STAB2: variants seen among roughly 807,000 people sequenced by gnomAD.
STAB2 encodes stabilin 2.
A neutral mutation model predicts 338.1 loss-of-function variants in STAB2; 288 were observed. The observed-to-expected ratio is 0.85, with a 90% confidence interval of 0.77 to 0.94. The LOEUF is 0.94. Among genes scored for constraint, STAB2 ranks in the 40% least tolerant of loss-of-function variants. The probability of loss-of-function intolerance (pLI) is 0.00; values close to 1 mark genes in which losing one functional copy is unlikely to be tolerated. For synonymous variants in STAB2, 1,202 were observed against 1,193.3 expected, an observed-to-expected ratio of 1.01 and a Z score of -0.15; for missense variants, 3,141 against 3,210.1, an observed-to-expected ratio of 0.98 and a Z score of 0.52.
Position 103,705,637 on chromosome 12 carries a change from TGAGAA to T in STAB2, c.3910_3914del (p.Lys1304GlufsTer54), listed in dbSNP as rs1371259700. ...TAGTCATTAATATTTCACAGGGTAA[TGAGAA>T]GAGGAGATGCATCTATACCTCCTAT... On this transcript the variant is annotated frameshift_variant, in exon 37 of 69. Transcript: ENST00000388887. LOFTEE classifies it high-confidence loss of function. The T allele has an allele frequency of 1.2e-6, 2 of 1,613,930 alleles. No individual in the cohort carries two copies. Among genetic ancestry groups the T allele is most frequent in the Non-Finnish European group, 1.7e-6 (2 of 1,179,908 alleles).
chr12:103,650,764 G>C (rs1178967046), intron 11 of STAB2, among the ~76,000 whole-genome samples, 186 bp downstream of exon 11: 1 of 152,140 alleles, frequency 6.6e-6, no homozygotes, highest in Non-Finnish European at 1.5e-5. Flanking sequence ...CAAATTGTAA[G>C]TGTACAACTC....
intron 28 of STAB2, 65 bp downstream of exon 28, chr12:103,688,280 A>G: frequency 6.6e-7 from 1 of 1,523,598 alleles, no homozygotes; most frequent in Non-Finnish European, 9.1e-7. Context: ...GAATGCATAC[A>G]ATAGAAAACC....
rs1874037000 is a variant in STAB2, at chr12:103,654,658, C to T, written c.1511C>T (p.Ala504Val). The T allele has an allele frequency of 1.9e-6, 3 of 1,613,998 alleles. No individual in the cohort carries two copies. In the East Asian group the frequency reaches 6.7e-5, roughly 36 times the overall value. ...GGGCTTCTGCACATCCTTGACAGAG[C>T]CATGGACAAGTTAGAACCCACATTT... is the stretch of plus-strand genomic sequence containing the variant. ...SNGLLHILDR[A>V]MDKLEPTFES... Residue 504 changes from alanine (A) to valine (V), a missense_variant, in exon 13 of 69, where the codon GCC (alanine) becomes GTC (valine). Ala to Val is a moderately conservative substitution (Grantham distance 64). Transcript: ENST00000388887.
At chr12:103,618,897 A>T (rs1957253402) in intron 3 of STAB2, among the ~76,000 whole-genome samples, 1 of 152,126 alleles carries the variant, frequency 6.6e-6, no homozygotes, top group Non-Finnish European at 1.5e-5. Flanking sequence ...AGGTAATTGA[A>T]TCATGGGGGC....
rs1336995338 is a variant in STAB2 at position 103,755,483 on chromosome 12, A to G, written c.6880+16A>G. The G allele has an allele frequency of 6.2e-6, 10 of 1,612,716 alleles. No homozygotes were observed. The highest frequency in any genetic ancestry group is 8.5e-6 in the Non-Finnish European group (10 of 1,178,976). ...CGGATGAAAGGTAACCGCCCCAGCTACACTTCAGGTTCTGGGCCACACAGC... is the reference window on the plus strand; with the variant it reads ...CGGATGAAAGGTAACCGCCCCAGCTGCACTTCAGGTTCTGGGCCACACAGC... On this transcript the variant is annotated intron_variant, in intron 62 of 68. Coordinates refer to ENST00000388887, the MANE Select transcript of STAB2 (RefSeq NM_017564.10).
chr12:103,615,783 G>A (rs937824226), intron 3 of STAB2, among the ~76,000 whole-genome samples: 2 of 152,188 alleles, frequency 1.3e-5, no homozygotes, highest in Non-Finnish European at 2.9e-5. Flanking sequence ...CAGGGTGGCA[G>A]AACAGAGTAA....
At chr12:103,763,669 T>C in intron 68 of STAB2, 61 bp downstream of exon 68, 1 of 1,445,564 alleles carries the variant, frequency 6.9e-7, no homozygotes, top group Non-Finnish European at 9.6e-7. Context: ...TGATGTCTTT[T>C]AGGAAATTTC....
intron 24 of STAB2, among the ~76,000 whole-genome samples, chr12:103,676,990 C>T (rs1410634178): frequency 1.3e-5 from 2 of 152,178 alleles, no homozygotes; most frequent in Non-Finnish European, 1.5e-5. Context: ...TCTTGTATCC[C>T]TCTCTCCTTC....
intron 3 of STAB2, among the ~76,000 whole-genome samples, chr12:103,596,740 G>A (rs115677930): frequency 0.056 from 8,465 of 152,084 alleles, 278 homozygotes; most frequent in Non-Finnish European, 0.081. Context: ...GCAGGTTTAT[G>A]CCATCACACT....
At chr12:103,626,547 A>T (rs1225936027) in intron 5 of STAB2, among the ~76,000 whole-genome samples, 1 of 152,254 alleles carries the variant, frequency 6.6e-6, no homozygotes. Context: ...CAATGGAAGT[A>T]TTAAGTGAGG....
intron 15 of STAB2, among the ~76,000 whole-genome samples, chr12:103,655,950 C>T (rs555873589): frequency 6.6e-6 from 1 of 152,296 alleles, no homozygotes; most frequent in African/African-American, 2.4e-5. Flanking sequence ...GAGAATGAAG[C>T]CTAAACTAGG....
intron 5 of STAB2, among the ~76,000 whole-genome samples, chr12:103,624,316 A>G (rs188325892): frequency 1.3e-5 from 2 of 152,310 alleles, no homozygotes; most frequent in East Asian, 3.9e-4. Context: ...GTATATGACT[A>G]GGTGAATCAA....
At chr12:103,639,704 C>CAAAAA (rs11449305) in intron 8 of STAB2, among the ~76,000 whole-genome samples, 16 of 92,262 alleles carry the variant, frequency 1.7e-4, no homozygotes, top group East Asian at 6.7e-4. Flanking sequence ...GACCCTGTCT[C>CAAAAA]AAAAAAAAAA....
At chr12:103,601,884 GA>G (rs998298755) in intron 3 of STAB2, among the ~76,000 whole-genome samples, 42 of 152,254 alleles carry the variant, frequency 2.8e-4, no homozygotes, top group African/African-American at 8.4e-4. Flanking sequence ...AATAGAAATG[GA>G]ATTTAATCAA....
Position 103,622,060 on chromosome 12 carries a change from G to A in STAB2, c.436G>A (p.Ala146Thr). 6.2e-7 allele frequency: 1 copy of A among 1,614,204 alleles called. No homozygotes were observed. ...TTTGCAGGAAGGGTTTGGTGGAACA[G>A]CCTGTGAAACCTGTGCTGACGACAA... ...CSCQEGFGGT[A>T]CETCADDNLF... The change falls in exon 5 of 69, where the codon GCC becomes ACC. Residue 146 changes from alanine (A) to threonine (T), a missense_variant. By Grantham distance (58) the Ala-to-Thr change is moderately conservative. Transcript: ENST00000388887.
At position 103,727,424 on chromosome 12, in the gene STAB2, A is replaced by G. The variant is rs533389205; in HGVS notation, c.4935+74A>G. ...AGTCCTTGGGCCTCGCCCTGGAACC[A>G]AGACTGGAGATGTTTCTAAGCAGGA... is the stretch of plus-strand genomic sequence containing the variant. On this transcript the variant is annotated intron_variant, in intron 47 of 68. Coordinates refer to ENST00000388887, the MANE Select transcript of STAB2 (RefSeq NM_017564.10). 3 of 1,510,594 alleles carry G rather than the reference A, an allele frequency of 2.0e-6. No homozygotes were observed. In the South Asian group the frequency reaches 3.4e-5, roughly 17 times the overall value. The allele number at this position is 1,510,594 out of a possible 1,614,324, so 93.6% of individuals were successfully genotyped here.
rs1593358130 is a variant in STAB2 at position 103,762,140 on chromosome 12, T to A, written c.7360-134T>A. ...GAAGGGTATTAGACCCTGGCAGTAA[T>A]AAGGGCCAGATACATGTTAACATGT... On this transcript the variant is annotated intron_variant, in intron 66 of 68. Coordinates refer to ENST00000388887, the MANE Select transcript of STAB2 (RefSeq NM_017564.10). 68 of 1,239,650 alleles carry A rather than the reference T, an allele frequency of 5.5e-5. No individual in the cohort carries two copies. The East Asian group carries it at 1.5e-3, about 28-fold the overall frequency. The allele number at this position is 1,239,650 out of a possible 1,614,324, so 76.8% of individuals were successfully genotyped here.
chr12:103,686,235 C>T (rs1266374613), intron 27 of STAB2, among the ~76,000 whole-genome samples: 1 of 152,162 alleles, frequency 6.6e-6, no homozygotes, highest in African/African-American at 2.4e-5. Flanking sequence ...CTAAGAGTCT[C>T]GCCCTAAGAA....
chr12:103,596,850 T>G (rs1014686719), intron 3 of STAB2, among the ~76,000 whole-genome samples: 3 of 150,562 alleles, frequency 2.0e-5, no homozygotes, highest in African/African-American at 4.9e-5. Flanking sequence ...TCCCAGCTAC[T>G]TGGGAGACTG....
Sources: gnomAD v4.1 joint callset for allele counts (sites outside exome capture counted in the v4.1 genomes callset) on GRCh38, gnomAD v4.1.1 for gene constraint, MANE v1.5 for transcripts, NCBI Gene and HGNC (gene_info 2026-07-23, HGNC 2026-07-21) for gene names.